The following FBXL17 variants were observed in gnomAD, a reference collection of about 807,000 sequenced individuals.
FBXL17 encodes F-box/LRR-repeat protein 17.
A neutral mutation model predicts 66.2 loss-of-function variants in FBXL17; 22 were observed. That is an observed-to-expected ratio of 0.33 (90% CI 0.24 to 0.47). The LOEUF (loss-of-function observed/expected upper bound fraction) is 0.47, where lower values mean the gene tolerates loss of function less well. Ranked by LOEUF, FBXL17 falls within the 20% of genes least tolerant of loss-of-function variation. The pLI is 1.00. For missense variants in FBXL17, 878 were observed against 948.2 expected (o/e 0.93, Z 0.97); for synonymous variants, 474 against 400.5 (o/e 1.18, Z -2.19).
In FBXL17 at chr5:108,307,897, G is replaced by C. The variant is rs1216884711; in HGVS notation, c.1506+40502C>G. On this transcript the variant is annotated intron_variant, in intron 4 of 8. Coordinates refer to ENST00000542267, the MANE Select transcript of FBXL17 (RefSeq NM_001163315.3). ...GAAACTTTATAAGCAATTCCAGTTT[G>C]CTTTAGCTTTTATCTATGTGTATAT... Among the ~76,000 whole-genome samples the C allele has an allele frequency of 2.6e-5, 4 of 152,166 alleles. No homozygotes were observed. In the East Asian group the frequency reaches 7.7e-4, roughly 29 times the overall value.
chr5:108,237,434 G>T (rs978370036), intron 4 of FBXL17, among the ~76,000 whole-genome samples: 3 of 152,134 alleles, frequency 2.0e-5, no homozygotes, highest in Non-Finnish European at 4.4e-5. Context: ...AAGGACTTCT[G>T]ACTAGAACCA....
chr5:108,054,314 G>A (rs1747600832), intron 6 of FBXL17, among the ~76,000 whole-genome samples: 1 of 151,850 alleles, frequency 6.6e-6, no homozygotes, highest in Non-Finnish European at 1.5e-5. Context: ...ATAAAATTCT[G>A]AGTTGACAGT....
intron 6 of FBXL17, among the ~76,000 whole-genome samples, chr5:108,171,217 C>A (rs1268674081): frequency 1.3e-5 from 2 of 152,096 alleles, no homozygotes. Flanking sequence ...TTAATACTTA[C>A]TTTATTGTAA....
intron 7 of FBXL17, among the ~76,000 whole-genome samples, chr5:107,949,511 G>A (rs1216121327): frequency 6.6e-6 from 1 of 152,144 alleles, no homozygotes; most frequent in Non-Finnish European, 1.5e-5. Context: ...TGGACCCAAA[G>A]CACAGAAATC....
chr5:107,954,545 T>G (rs896770791), intron 7 of FBXL17, among the ~76,000 whole-genome samples: 2 of 152,348 alleles, frequency 1.3e-5, no homozygotes, highest in Admixed American at 1.3e-4. Context: ...CAAAGACAGC[T>G]GATTTTAATT....
chr5:107,949,261 A>C (rs1751418580), intron 7 of FBXL17, among the ~76,000 whole-genome samples: 1 of 152,026 alleles, frequency 6.6e-6, no homozygotes, highest in South Asian at 2.1e-4. Flanking sequence ...AACATGTTAC[A>C]TTGGTCAGAT....
intron 6 of FBXL17, among the ~76,000 whole-genome samples, chr5:108,118,745 C>G (rs1276660504): frequency 6.6e-6 from 1 of 152,194 alleles, no homozygotes; most frequent in Non-Finnish European, 1.5e-5. Context: ...CCAACTCCTA[C>G]TTACCTCTCT....
At chr5:108,048,479 C>T (rs573341376) in intron 6 of FBXL17, among the ~76,000 whole-genome samples, 71 of 152,288 alleles carry the variant, frequency 4.7e-4, no homozygotes, top group African/African-American at 1.6e-3. Flanking sequence ...CAAAAGTAGG[C>T]TTCAGAAGAT....
chr5:107,906,285 T>C (rs1031472115), intron 7 of FBXL17, among the ~76,000 whole-genome samples: 1 of 152,176 alleles, frequency 6.6e-6, no homozygotes, highest in African/African-American at 2.4e-5. Flanking sequence ...CAGTATTTAT[T>C]ACTTTAAGCT....
intron 7 of FBXL17, among the ~76,000 whole-genome samples, chr5:108,007,910 A>G (rs745833773): frequency 6.6e-6 from 1 of 152,150 alleles, no homozygotes; most frequent in African/African-American, 2.4e-5. Flanking sequence ...TAGAATCAGC[A>G]TGTTCCTCCA....
chr5:108,058,872 A>G (rs1580384997), intron 6 of FBXL17, among the ~76,000 whole-genome samples: 1 of 152,316 alleles, frequency 6.6e-6, no homozygotes, highest in South Asian at 2.1e-4. Flanking sequence ...AGCAAGAGGA[A>G]CACTCAGTAT....
intron 6 of FBXL17, among the ~76,000 whole-genome samples, chr5:108,044,082 T>C (rs1038520307): frequency 3.9e-5 from 6 of 152,244 alleles, no homozygotes; most frequent in African/African-American, 1.4e-4. Flanking sequence ...GAAATGTTTT[T>C]ATACATTCCT....
chr5:108,381,443 C>T lies in FBXL17; in HGVS notation c.249G>A (p.Ser83=). ...PAGPEEEPPL[S]PPPRDGAYAA... is the part of the protein sequence containing the mutation. ...CGTAGGCCCCGTCCCGCGGCGGCGG[C>T]GAGAGCGGCGGCTCCTCCTCTGGGC... Residue 83 remains serine (S), a synonymous_variant, in exon 1 of 9, where the codon TCG becomes TCA. Transcript: ENST00000542267. 1 of 1,315,428 alleles carries T rather than the reference C, an allele frequency of 7.6e-7. No individual in the cohort carries two copies. 81.5% of individuals were successfully genotyped at this position (1,315,428 alleles called of 1,614,324 possible). A position where few individuals can be genotyped will look rare whatever the true frequency, so the allele number is the denominator to read the frequency against.
At chr5:108,025,304 A>T (rs1754759435) in intron 6 of FBXL17, among the ~76,000 whole-genome samples, 1 of 152,090 alleles carries the variant, frequency 6.6e-6, no homozygotes, top group Non-Finnish European at 1.5e-5. Context: ...ATGCATTAGT[A>T]TGTGGCTTGG....
At chr5:108,168,728 T>C (rs539432021) in intron 6 of FBXL17, among the ~76,000 whole-genome samples, 8 of 152,270 alleles carry the variant, frequency 5.3e-5, no homozygotes, top group Non-Finnish European at 8.8e-5. Flanking sequence ...TACTATTCCA[T>C]GTTCTCTCCC....
intron 4 of FBXL17, among the ~76,000 whole-genome samples, chr5:108,340,065 T>G (rs1285618659): frequency 2.6e-5 from 4 of 152,050 alleles, no homozygotes; most frequent in Non-Finnish European, 1.5e-5. Context: ...CATTCTTTAT[T>G]GCTTTCAATG....
intron 6 of FBXL17, among the ~76,000 whole-genome samples, chr5:108,117,019 A>C (rs910356203): frequency 1.3e-5 from 2 of 152,210 alleles, no homozygotes; most frequent in Admixed American, 1.3e-4. Flanking sequence ...GTTTAAGAGA[A>C]TCTGACACAT....
chr5:108,151,607 T>C (rs925247505), intron 6 of FBXL17, among the ~76,000 whole-genome samples: 1 of 152,172 alleles, frequency 6.6e-6, no homozygotes, highest in African/African-American at 2.4e-5. Flanking sequence ...GAAACTTTAC[T>C]AAAGCAGATA....
intron 1 of FBXL17, among the ~76,000 whole-genome samples, chr5:108,373,878 A>G (rs557224418): frequency 6.6e-6 from 1 of 152,288 alleles, no homozygotes; most frequent in African/African-American, 2.4e-5. Flanking sequence ...TGATCGTGCC[A>G]CTGCATTCCA....
Sources: allele counts gnomAD v4.1 joint callset (sites outside exome capture counted in the v4.1 genomes callset), GRCh38; gene constraint gnomAD v4.1.1; transcripts MANE v1.5; gene names NCBI Gene and HGNC (gene_info 2026-07-23, HGNC 2026-07-21).